SGTB: variants seen among roughly 807,000 people sequenced by gnomAD.
SGTB encodes small glutamine-rich tetratricopeptide repeat-containing protein beta.
Under a neutral mutation model 43.9 loss-of-function variants are expected in SGTB, and 19 were observed. That is an observed-to-expected ratio of 0.43 (90% CI 0.30 to 0.63). SGTB has a LOEUF of 0.63. Among genes scored for constraint, SGTB ranks in the 30% least tolerant of loss-of-function variants. SGTB has a pLI of 0.12. For synonymous variants in SGTB, 116 were observed against 117.3 expected (o/e 0.99, Z 0.07); for missense variants, 304 against 358.9 (o/e 0.85, Z 1.24).
intron 5 of SGTB, among the ~76,000 whole-genome samples, chr5:65,690,360 G>T (rs1396425283): frequency 6.6e-6 from 1 of 152,084 alleles, no homozygotes; most frequent in African/African-American, 2.4e-5. Flanking sequence ...GATCACTTGA[G>T]CCCAGGAGGT....
intron 5 of SGTB, among the ~76,000 whole-genome samples, chr5:65,687,306 T>C (rs890686056): frequency 1.3e-5 from 2 of 152,212 alleles, no homozygotes; most frequent in African/African-American, 4.8e-5. Flanking sequence ...TCATTAAAGT[T>C]ATGCTGTATA....
chr5:65,711,035 C>T (rs1486130673), intron 3 of SGTB, among the ~76,000 whole-genome samples: 1 of 149,714 alleles, frequency 6.7e-6, no homozygotes, highest in Admixed American at 6.7e-5. Flanking sequence ...CGTGGTGGCA[C>T]GTGCCTGGAG....
chr5:65,680,826 A>G (rs756718194), intron 6 of SGTB, 32 bp from the exon 7 acceptor site: 1 of 1,599,060 alleles, frequency 6.3e-7, no homozygotes, highest in East Asian at 2.2e-5. Context: ...AATATCAGAT[A>G]TATGATTAAA....
Position 65,685,384 on chromosome 5 carries a change from C to T in SGTB, c.463G>A (p.Ala155Thr). 1 of 1,614,154 alleles carries T rather than the reference C, an allele frequency of 6.2e-7. No homozygotes were observed. The highest frequency in any genetic ancestry group is 1.7e-5 in the Admixed American group (1 of 60,024). The change falls in exon 6 of 11, where the codon GCC becomes ACC. Residue 155 changes from alanine to threonine, a missense_variant. By Grantham distance (58) the Ala-to-Thr change is moderately conservative (BLOSUM62 0). Coordinates refer to ENST00000381007, the MANE Select transcript of SGTB (RefSeq NM_019072.3). ...AGAACTTACCCCATTCTCCCATAGGCCTTGCTGTACTTTGAATCAATTGCT... is the reference window on the plus strand; with the variant it reads ...AGAACTTACCCCATTCTCCCATAGGTCTTGCTGTACTTTGAATCAATTGCT... ...AIAIDSKYSKAYGRMGLALTA... is the reference protein window; with the variant it reads ...AIAIDSKYSKTYGRMGLALTA...
At chr5:65,700,104 T>A (rs776354004) in intron 5 of SGTB, among the ~76,000 whole-genome samples, 6 of 152,194 alleles carry the variant, frequency 3.9e-5, no homozygotes, top group African/African-American at 1.2e-4. Context: ...AATGCTAGAA[T>A]ATGCTGATAT....
chr5:65,677,791 T>C (rs1757311817), intron 8 of SGTB, among the ~76,000 whole-genome samples: 1 of 152,052 alleles, frequency 6.6e-6, no homozygotes, highest in Admixed American at 6.6e-5. Context: ...AAATTCAACA[T>C]CCTTTCATAT....
At chr5:65,679,778 A>C (rs1228134073) in intron 8 of SGTB, among the ~76,000 whole-genome samples, 1 of 152,278 alleles carries the variant, frequency 6.6e-6, no homozygotes, top group African/African-American at 2.4e-5. Context: ...ACCTAGAAGC[A>C]GAAATACCAT....
chr5:65,670,485 C>T lies in SGTB; in HGVS notation c.804-128G>A, dbSNP rs1757134323. On this transcript the variant is annotated intron_variant, in intron 10 of 10. Coordinates refer to ENST00000381007, the MANE Select transcript of SGTB (RefSeq NM_019072.3). ...TTTCTATAAAAACAAGTTTCAGAGCCATGACTTTAGAATCTACAAGTTTAC... is the reference window on the plus strand; with the variant it reads ...TTTCTATAAAAACAAGTTTCAGAGCTATGACTTTAGAATCTACAAGTTTAC... The T allele has an allele frequency of 1.1e-5, 7 of 664,930 alleles. No individual in the cohort carries two copies. In the South Asian group the frequency reaches 1.4e-4, roughly 13 times the overall value. The allele number at this position is 664,930 out of a possible 1,614,324, so 41.2% of individuals were successfully genotyped here.
At chr5:65,681,055 T>G (rs1181140813) in intron 6 of SGTB, among the ~76,000 whole-genome samples, 1 of 152,160 alleles carries the variant, frequency 6.6e-6, no homozygotes, top group Admixed American at 6.5e-5. Context: ...TCTTACTTAC[T>G]CTACCATTTT....
At chr5:65,722,241 C>G (rs1437884215), upstream of SGTB, 2 of 527,990 alleles carry the variant, frequency 3.8e-6, no homozygotes, top group South Asian at 3.3e-5. Context: ...TGGGAGGGCG[C>G]TGGCCAGGCA....
chr5:65,689,376 CA>C lies in SGTB; in HGVS notation c.375-3905del, dbSNP rs201508260. On this transcript the variant is annotated intron_variant, in intron 5 of 10. Transcript: ENST00000381007. ...TTAACACTTGCTATATCACATCTAC[CA>C]AAAAAACTCTTCTAAAATGACTGGG... Among the ~76,000 whole-genome samples the C allele has an allele frequency of 9.2e-5, 14 of 152,078 alleles. No individual in the cohort carries two copies. The East Asian group carries it at 2.7e-3, about 29-fold the overall frequency.
At chr5:65,714,280 C>G (rs1049159395) in intron 2 of SGTB, among the ~76,000 whole-genome samples, 1 of 152,090 alleles carries the variant, frequency 6.6e-6, no homozygotes, top group Non-Finnish European at 1.5e-5. Flanking sequence ...TGCCTACTAT[C>G]TGTAAGGCAC....
At chr5:65,705,685 T>C (rs1168103449) in intron 4 of SGTB, among the ~76,000 whole-genome samples, 1 of 151,952 alleles carries the variant, frequency 6.6e-6, no homozygotes, top group Non-Finnish European at 1.5e-5. Context: ...AAAATGAATA[T>C]AAAGGGTGAC....
At position 65,672,834 on chromosome 5, in the gene SGTB, A is replaced by T. The variant is rs141526806; in HGVS notation, c.682-553T>A. 3.0e-3 allele frequency among the ~76,000 whole-genome samples: 462 copies of T among 152,346 alleles called. 3 individuals carry two copies. Among genetic ancestry groups the T allele is most frequent in the African/African-American group, 0.01 (431 of 41,574 alleles). ...GAATTTAGTCTAAATCTTTGTAGACAATAGATTATATTCACAGACTCTCTA... is the reference window on the plus strand; with the variant it reads ...GAATTTAGTCTAAATCTTTGTAGACTATAGATTATATTCACAGACTCTCTA... On this transcript the variant is annotated intron_variant, in intron 8 of 10. Coordinates refer to ENST00000381007, the MANE Select transcript of SGTB (RefSeq NM_019072.3).
At position 65,667,598 on chromosome 5, in the gene SGTB, T is replaced by G. The variant is rs1757064567; in HGVS notation, c.*2648A>C. ...GACTTAAATTGTGCTCTTTTTAAAT[T>G]CTGCAGAACTATATATCTTCATACA... On this transcript the variant is annotated 3_prime_UTR_variant, in exon 11 of 11. Coordinates refer to ENST00000381007, the MANE Select transcript of SGTB (RefSeq NM_019072.3). 1 of 150,944 alleles carries G rather than the reference T, an allele frequency of 6.6e-6. No individual in the cohort carries two copies. The highest frequency in any genetic ancestry group is 1.5e-5 in the Non-Finnish European group (1 of 67,830). 9.4% of individuals were successfully genotyped at this position (150,944 alleles called of 1,614,324 possible).
intron 3 of SGTB, among the ~76,000 whole-genome samples, chr5:65,712,400 T>C (rs973769737): frequency 2.0e-5 from 3 of 152,228 alleles, no homozygotes; most frequent in Non-Finnish European, 2.9e-5. Context: ...CCCAAGACCA[T>C]GTATAAATAG....
chr5:65,673,645 G>A (rs932476645), intron 8 of SGTB, among the ~76,000 whole-genome samples: 39 of 143,124 alleles, frequency 2.7e-4, no homozygotes, highest in Non-Finnish European at 4.1e-4. Context: ...GTTGGGGACC[G>A]CTGTCCTATA....
intron 6 of SGTB, among the ~76,000 whole-genome samples, chr5:65,683,645 A>T (rs1757441601): frequency 6.6e-6 from 1 of 151,334 alleles, no homozygotes; most frequent in African/African-American, 2.4e-5. Context: ...TAGTGTCAGG[A>T]TCCTAGAGAG....
At chr5:65,709,300 T>C (rs1159773083) in intron 3 of SGTB, among the ~76,000 whole-genome samples, 2 of 152,054 alleles carry the variant, frequency 1.3e-5, no homozygotes, top group East Asian at 3.8e-4. Context: ...TATAAATATG[T>C]TCACACACAC....
Sources: gnomAD v4.1 joint callset for allele counts (sites outside exome capture counted in the v4.1 genomes callset) on GRCh38, gnomAD v4.1.1 for gene constraint, MANE v1.5 for transcripts, NCBI Gene and HGNC (gene_info 2026-07-23, HGNC 2026-07-21) for gene names.